EYS: variants seen among roughly 807,000 people sequenced by gnomAD.
The protein encoded by EYS is protein eyes shut homolog.
Under a neutral mutation model 282.1 loss-of-function variants are expected in EYS, and 250 were observed. The ratio of observed to expected loss-of-function variants is 0.89; its 90% CI spans 0.80 to 0.98. EYS has a LOEUF of 0.98. EYS is among the 50% of genes least tolerant of loss of function. The probability of loss-of-function intolerance (pLI) is 0.00; values close to 1 mark genes in which losing one functional copy is unlikely to be tolerated. For missense variants in EYS, 4,016 were observed against 3,709.0 expected (o/e 1.08, Z -2.15); for synonymous variants, 1,355 against 1,282.9 (o/e 1.06, Z -1.20).
chr6:64,443,277 A>T (rs2150469861), intron 26 of EYS, among the ~76,000 whole-genome samples: 1 of 152,296 alleles, frequency 6.6e-6, no homozygotes, highest in Non-Finnish European at 1.5e-5. Context: ...CCCATTTGGA[A>T]TGGATGTCTT....
At chr6:64,007,794 ATTTTCATCAT>A (rs769106759) in intron 33 of EYS, among the ~76,000 whole-genome samples, 62 of 152,046 alleles carry the variant, frequency 4.1e-4, no homozygotes, top group Admixed American at 8.5e-4. Context: ...TGATTGTATG[ATTTTCATCAT>A]TTTTCTTAGC....
intron 11 of EYS, among the ~76,000 whole-genome samples, chr6:65,323,752 C>T (rs1470457587): frequency 7.7e-6 from 1 of 130,462 alleles, no homozygotes; most frequent in African/African-American, 2.9e-5. Context: ...TCTTTTTTGA[C>T]CTATTGCAAA....
At chr6:63,948,962 A>C (rs531103966) in intron 35 of EYS, among the ~76,000 whole-genome samples, 84 of 152,098 alleles carry the variant, frequency 5.5e-4, no homozygotes, top group African/African-American at 1.7e-3. Flanking sequence ...CCTATGTCTT[A>C]TTATTTCTGT....
chr6:65,329,367 A>G (rs1179295038), intron 11 of EYS: 1 of 881,454 alleles, frequency 1.1e-6, no homozygotes, highest in East Asian at 1.2e-4. Flanking sequence ...GAATTGCTTA[A>G]ATGAATGATT....
chr6:65,368,911 C>T (rs1765020699), intron 8 of EYS, among the ~76,000 whole-genome samples: 1 of 151,446 alleles, frequency 6.6e-6, no homozygotes, highest in South Asian at 2.1e-4. Context: ...TAGAACAGGA[C>T]ATGAATGAAA....
At chr6:64,629,621 T>G (rs985793635) in intron 22 of EYS, among the ~76,000 whole-genome samples, 7 of 152,158 alleles carry the variant, frequency 4.6e-5, no homozygotes, top group African/African-American at 1.7e-4. Flanking sequence ...ATGCTTCATT[T>G]TTGTTTACTG....
At chr6:64,275,349 TATATA>T (rs540276849) in intron 30 of EYS, among the ~76,000 whole-genome samples, 122 of 152,290 alleles carry the variant, frequency 8.0e-4, no homozygotes, top group South Asian at 1.5e-3. Context: ...CTTAAAGACA[TATATA>T]ATATAATTGG....
chr6:65,204,452 C>T (rs1765978169), intron 12 of EYS, among the ~76,000 whole-genome samples: 1 of 148,692 alleles, frequency 6.7e-6, no homozygotes, highest in Non-Finnish European at 1.5e-5. Flanking sequence ...AATTAAGCAT[C>T]ATAAACGAAG....
intron 12 of EYS, among the ~76,000 whole-genome samples, chr6:65,116,814 A>T (rs1775389448): frequency 6.6e-6 from 1 of 152,186 alleles, no homozygotes; most frequent in Non-Finnish European, 1.5e-5. Context: ...TACAAAAATG[A>T]CAGTTACATT....
At chr6:65,046,308 C>G (rs546765300) in intron 13 of EYS, among the ~76,000 whole-genome samples, 54 of 151,896 alleles carry the variant, frequency 3.6e-4, no homozygotes, top group South Asian at 2.7e-3. Context: ...GAGACAGAAC[C>G]TCAGTAGAAT....
intron 22 of EYS, among the ~76,000 whole-genome samples, chr6:64,757,651 A>G (rs942722613): frequency 4.0e-5 from 6 of 151,866 alleles, no homozygotes; most frequent in African/African-American, 1.2e-4. Context: ...TCAGTAAATA[A>G]GTGGGTTTTA....
chr6:63,805,726 C>A (rs1562034768), intron 37 of EYS, among the ~76,000 whole-genome samples: 1 of 152,112 alleles, frequency 6.6e-6, no homozygotes, highest in Non-Finnish European at 1.5e-5. Flanking sequence ...TTTCCTCATG[C>A]GTTCTCGTGA....
intron 41 of EYS, chr6:63,744,536 T>C (rs998134632): frequency 2.0e-5 from 3 of 152,154 alleles, no homozygotes; most frequent in African/African-American, 7.2e-5. Context: ...TTTAATGCTT[T>C]ATGCAATACT....
intron 22 of EYS, among the ~76,000 whole-genome samples, chr6:64,751,022 T>C (rs1183410484): frequency 6.6e-6 from 1 of 152,104 alleles, no homozygotes; most frequent in African/African-American, 2.4e-5. Flanking sequence ...TTTAGGCCCC[T>C]CCTTTGCTGT....
intron 13 of EYS, among the ~76,000 whole-genome samples, chr6:65,009,553 G>A (rs138249457): frequency 9.9e-5 from 15 of 152,196 alleles, no homozygotes; most frequent in Admixed American, 2.6e-4. Flanking sequence ...CAAACCCAAC[G>A]TCTCAACTCA....
intron 33 of EYS, among the ~76,000 whole-genome samples, chr6:64,019,926 AT>A (rs1326184856): frequency 6.6e-6 from 1 of 150,478 alleles, no homozygotes; most frequent in African/African-American, 2.4e-5. Context: ...GATAATCTGA[AT>A]GCTTTGGGTT....
chr6:65,369,330 T>TTATATATATATATAATATATATATATA, intron 8 of EYS, among the ~76,000 whole-genome samples: 1 of 138,314 alleles, frequency 7.2e-6, no homozygotes, highest in South Asian at 2.3e-4. Context: ...ATATATATAT[T>TTATATATATATATAATATATATATATA]TATATATATA....
intron 15 of EYS, among the ~76,000 whole-genome samples, chr6:64,915,024 A>C (rs543563809): frequency 3.6e-4 from 55 of 152,202 alleles, no homozygotes; most frequent in South Asian, 3.5e-3. Context: ...TTTCCATCCT[A>C]GTTTGCCTGG....
intron 33 of EYS, among the ~76,000 whole-genome samples, chr6:64,059,037 A>G (rs747605852): frequency 3.9e-5 from 6 of 152,152 alleles, no homozygotes; most frequent in Non-Finnish European, 8.8e-5. Flanking sequence ...AGAGCTAAAC[A>G]TCCTTTCACC....
Sources: allele counts gnomAD v4.1 joint callset (sites outside exome capture counted in the v4.1 genomes callset), GRCh38; gene constraint gnomAD v4.1.1; transcripts MANE v1.5; gene names NCBI Gene and HGNC (gene_info 2026-07-23, HGNC 2026-07-21).